The following FHIT variants were observed in gnomAD, a reference collection of about 807,000 sequenced individuals.
FHIT encodes bis(5'-adenosyl)-triphosphatase.
FHIT carries 19 observed loss-of-function variants against 17.9 expected under a neutral mutation model. The ratio of observed to expected loss-of-function variants is 1.06; its 90% CI spans 0.74 to 1.56. The LOEUF is 1.56. Among genes scored for constraint, FHIT ranks in the 40% most tolerant of loss-of-function variants. The pLI, the probability that FHIT is intolerant of heterozygous loss-of-function variation, is 0.00. For synonymous variants in FHIT, 81 were observed against 69.7 expected (o/e 1.16, Z -0.81); for missense variants, 248 against 189.2 (o/e 1.31, Z -1.82).
rs774437127 is a variant in FHIT at position 60,536,924 on chromosome 3, A to G, written c.39T>C (p.Ser13=). ...ACAGTTCTGTTTTGAGAAACACTAC[A>G]GAGGGCTTGATGAGATGTTGGCCAA... ...FRFGQHLIKP[S]VVFLKTELSF... is the part of the protein sequence containing the mutation. The change falls in exon 5 of 10, where the codon TCT becomes TCC. Residue 13 remains serine (S), a synonymous_variant. Coordinates refer to ENST00000492590, the MANE Select transcript of FHIT (RefSeq NM_002012.4). The G allele has an allele frequency of 1.2e-6, 2 of 1,613,508 alleles. No homozygotes were observed. The highest frequency in any genetic ancestry group is 1.7e-6 in the Non-Finnish European group (2 of 1,179,666).
intron 2 of FHIT, among the ~76,000 whole-genome samples, chr3:61,091,796 T>G (rs1248215435): frequency 7.3e-5 from 11 of 151,452 alleles, no homozygotes; most frequent in Admixed American, 5.9e-4. Context: ...AAAATTTAGC[T>G]GGGCGTAGTG....
chr3:60,251,749 A>T (rs542321894), intron 5 of FHIT, among the ~76,000 whole-genome samples: 1 of 152,286 alleles, frequency 6.6e-6, no homozygotes, highest in South Asian at 2.1e-4. Flanking sequence ...TTTCTTCTAC[A>T]CAGCATACCT....
At chr3:59,825,109 TC>T (rs1414726077) in intron 8 of FHIT, among the ~76,000 whole-genome samples, 1 of 152,236 alleles carries the variant, frequency 6.6e-6, no homozygotes, top group African/African-American at 2.4e-5. Context: ...CCTCCTACTG[TC>T]TTCTGACTAG....
chr3:60,255,591 C>A (rs1301750513), intron 5 of FHIT, among the ~76,000 whole-genome samples: 1 of 152,020 alleles, frequency 6.6e-6, no homozygotes, highest in African/African-American at 2.4e-5. Flanking sequence ...CCAAAAGCCG[C>A]CCCAAATCTA....
Position 59,747,953 on chromosome 3 carries a change from G to T in FHIT, c.*1632C>A, listed in dbSNP as rs761658777. ...AAGATAATCTTAAGTGATCTACATT[G>T]AATCTCTCAGTAGGTTATTCTCTTT... On this transcript the variant is annotated 3_prime_UTR_variant, in exon 10 of 10. Coordinates refer to ENST00000492590, the MANE Select transcript of FHIT (RefSeq NM_002012.4). Among the ~76,000 whole-genome samples the T allele has an allele frequency of 1.3e-5, 2 of 152,094 alleles. No homozygotes were observed. The highest frequency in any genetic ancestry group is 2.4e-5 in the African/African-American group (1 of 41,420).
intron 5 of FHIT, among the ~76,000 whole-genome samples, chr3:60,278,188 C>T (rs213356): frequency 3.3e-5 from 5 of 152,158 alleles, no homozygotes; most frequent in South Asian, 2.1e-4. Flanking sequence ...CTATACTTTT[C>T]TGAGTTTTAT....
At chr3:60,079,942 T>A (rs999433707) in intron 5 of FHIT, among the ~76,000 whole-genome samples, 1 of 152,122 alleles carries the variant, frequency 6.6e-6, no homozygotes, top group African/African-American at 2.4e-5. Flanking sequence ...AATGATAGAT[T>A]TTTTTTCTAC....
chr3:59,780,368 C>T (rs1465016589), intron 8 of FHIT, among the ~76,000 whole-genome samples: 1 of 152,198 alleles, frequency 6.6e-6, no homozygotes, highest in Non-Finnish European at 1.5e-5. Context: ...TTACAGTGAA[C>T]AGTCCAAGCT....
chr3:60,225,776 CA>C (rs751096205), intron 5 of FHIT, among the ~76,000 whole-genome samples: 28 of 152,232 alleles, frequency 1.8e-4, no homozygotes, highest in Non-Finnish European at 3.5e-4. Context: ...AACAGACGGA[CA>C]GGGGAGCAAA....
chr3:59,815,630 T>A (rs111644720), intron 8 of FHIT, among the ~76,000 whole-genome samples: 2,113 of 152,132 alleles, frequency 0.014, 49 homozygotes, highest in African/African-American at 0.048. Flanking sequence ...GTGAAGTAAC[T>A]CAGGAATGAA....
chr3:60,459,471 T>C (rs985607878), intron 5 of FHIT, among the ~76,000 whole-genome samples: 4 of 152,188 alleles, frequency 2.6e-5, no homozygotes, highest in African/African-American at 7.2e-5. Flanking sequence ...AGCACCTCTT[T>C]GAGTTTCAAT....
rs1421684408 is a variant in FHIT at position 59,748,780 on chromosome 3, GCCTTGAACTAATAATACTTAACAT to G, written c.*781_*804del. 2.0e-5 allele frequency among the ~76,000 whole-genome samples: 3 copies of G among 152,074 alleles called. No individual in the cohort carries two copies. The highest frequency in any genetic ancestry group is 2.0e-4 in the Admixed American group (3 of 15,266). On this transcript the variant is annotated 3_prime_UTR_variant, in exon 10 of 10. Transcript: ENST00000492590. ...ATCTGAGCTTTGCCACTTACCGTTG[GCCTTGAACTAATAATACTTAACAT>G]CCTTAAGCCTTAGTTTTCTCATCAC...
At chr3:59,981,194 G>A (rs1231955893) in intron 7 of FHIT, among the ~76,000 whole-genome samples, 3 of 152,140 alleles carry the variant, frequency 2.0e-5, no homozygotes, top group African/African-American at 7.2e-5. Context: ...CATGGAAATG[G>A]AGTTTAGAAG....
At chr3:59,775,995 T>C (rs1367908213) in intron 8 of FHIT, among the ~76,000 whole-genome samples, 1 of 152,252 alleles carries the variant, frequency 6.6e-6, no homozygotes, top group African/African-American at 2.4e-5. Flanking sequence ...CATTATCCCA[T>C]TAATGTTTCT....
chr3:59,991,954 T>C (rs572134652), intron 7 of FHIT, among the ~76,000 whole-genome samples: 2 of 152,146 alleles, frequency 1.3e-5, no homozygotes, highest in South Asian at 4.1e-4. Flanking sequence ...AAATCATCCA[T>C]TTACTGTAGC....
At position 60,384,058 on chromosome 3, in the gene FHIT, AG is replaced by A. The variant is rs1700909727; in HGVS notation, c.103+152801del. Among the ~76,000 whole-genome samples, 4 of 152,094 alleles carry A rather than the reference AG, an allele frequency of 2.6e-5. No individual in the cohort carries two copies. In the South Asian group the frequency reaches 8.3e-4, roughly 32 times the overall value. On this transcript the variant is annotated intron_variant, in intron 5 of 9. Transcript: ENST00000492590. Reference sequence around the variant, plus strand: ...GCCGAGGTGGGTGGATCACGAGGTCAGGAGATCAAGACCATCTTGGCCATCA... The same window carrying A: ...GCCGAGGTGGGTGGATCACGAGGTCAGAGATCAAGACCATCTTGGCCATCA...
intron 2 of FHIT, among the ~76,000 whole-genome samples, chr3:61,069,249 G>T (rs1245745052): frequency 6.6e-6 from 1 of 152,140 alleles, no homozygotes; most frequent in Admixed American, 6.5e-5. Context: ...TTGAGTAAAG[G>T]TTGCTCCACA....
intron 2 of FHIT, among the ~76,000 whole-genome samples, chr3:61,055,377 T>C (rs115035901): frequency 0.01 from 1,591 of 152,264 alleles, 20 homozygotes; most frequent in African/African-American, 0.035. Context: ...TCGTCCATAA[T>C]AGAGATGAGA....
At chr3:60,543,496 C>A (rs547572125) in intron 4 of FHIT, among the ~76,000 whole-genome samples, 2 of 152,202 alleles carry the variant, frequency 1.3e-5, no homozygotes, top group South Asian at 4.1e-4. Flanking sequence ...TCTTTAATAC[C>A]ATAATAAAAC....
Sources: gnomAD v4.1 joint callset for allele counts (sites outside exome capture counted in the v4.1 genomes callset) on GRCh38, gnomAD v4.1.1 for gene constraint, MANE v1.5 for transcripts, NCBI Gene and HGNC (gene_info 2026-07-23, HGNC 2026-07-21) for gene names.